Variants in TLN2 observed in about 807,000 individuals in gnomAD.
The protein encoded by TLN2 is talin 2.
A neutral mutation model predicts 294.7 loss-of-function variants in TLN2; 118 were observed. The ratio of observed to expected loss-of-function variants is 0.40; its 90% CI spans 0.34 to 0.47. TLN2 has a LOEUF of 0.47. TLN2 is among the 20% of genes least tolerant of loss of function. The pLI is 0.84. For synonymous variants in TLN2, 1,431 were observed against 1,304.5 expected, an observed-to-expected ratio of 1.10 and a Z score of -2.09; for missense variants, 3,083 against 3,282.2, an observed-to-expected ratio of 0.94 and a Z score of 1.48.
intron 9 of TLN2, among the ~76,000 whole-genome samples, chr15:62,670,193 C>T (rs1285846482): frequency 3.3e-5 from 5 of 152,182 alleles, no homozygotes; most frequent in African/African-American, 9.7e-5. Flanking sequence ...ACCTTAACCA[C>T]GTCTCTGTTG....
chr15:62,398,946 C>G (rs1436538867), intron 1 of TLN2, among the ~76,000 whole-genome samples: 3 of 152,052 alleles, frequency 2.0e-5, no homozygotes, highest in African/African-American at 7.3e-5. Flanking sequence ...GGCCCGGAGG[C>G]CTAGGAGGGA....
chr15:62,708,687 G>T lies in TLN2; in HGVS notation c.2358G>T (p.Gln786His). The T allele has an allele frequency of 1.2e-5, 19 of 1,614,064 alleles. No individual in the cohort carries two copies. Among genetic ancestry groups the T allele is most frequent in the Non-Finnish European group, 1.6e-5 (19 of 1,180,046 alleles). Residue 786 changes from glutamine to histidine, a missense_variant, in exon 21 of 59, where the codon CAG becomes CAT. By Grantham distance (24) the Gln-to-His change is conservative. Coordinates refer to ENST00000636159, the MANE Select transcript of TLN2 (RefSeq NM_015059.3). The part of the protein sequence containing the change: ...VVSQALHDLL[Q>H]HVRQFASRGE... ...GCCAGGCCCTCCATGATCTCCTGCA[G>T]CATGTGCGGCAGTTTGCCAGCCGAG...
intron 3 of TLN2, among the ~76,000 whole-genome samples, chr15:62,619,520 GC>G (rs1221225968): frequency 3.9e-5 from 6 of 152,274 alleles, no homozygotes; most frequent in East Asian, 1.9e-4. Context: ...TGACCCACCT[GC>G]CCCCCTGCCA....
At chr15:62,580,848 C>CT (rs1183488795) in intron 1 of TLN2, among the ~76,000 whole-genome samples, 1 of 151,042 alleles carries the variant, frequency 6.6e-6, no homozygotes, top group Non-Finnish European at 1.5e-5. Context: ...CTGCCTTCGC[C>CT]CCGCCCCCTG....
At chr15:62,674,591 C>T (rs542134229) in intron 10 of TLN2, among the ~76,000 whole-genome samples, 6 of 150,498 alleles carry the variant, frequency 4.0e-5, no homozygotes, top group East Asian at 2.0e-4. Flanking sequence ...TACCTCCCCC[C>T]GCCCTGTTCA....
At chr15:62,598,794 G>A (rs2046761337) in intron 2 of TLN2, among the ~76,000 whole-genome samples, 1 of 151,904 alleles carries the variant, frequency 6.6e-6, no homozygotes, top group South Asian at 2.1e-4. Context: ...CAGAATGGTG[G>A]TCTGAATAAA....
At chr15:62,594,938 TCAAA>T (rs2046361176) in intron 2 of TLN2, among the ~76,000 whole-genome samples, 1 of 152,018 alleles carries the variant, frequency 6.6e-6, no homozygotes, top group Non-Finnish European at 1.5e-5. Context: ...TATGAAGAAC[TCAAA>T]CAATAGTAAG....
chr15:62,526,268 T>C (rs896847927), intron 1 of TLN2, among the ~76,000 whole-genome samples: 1 of 152,188 alleles, frequency 6.6e-6, no homozygotes, highest in Non-Finnish European at 1.5e-5. Flanking sequence ...TAGCTGGGAT[T>C]ATAGGCATGT....
At chr15:62,445,460 A>C (rs925645500) in intron 1 of TLN2, among the ~76,000 whole-genome samples, 11 of 152,196 alleles carry the variant, frequency 7.2e-5, no homozygotes, top group African/African-American at 2.7e-4. Context: ...ACTCACATGC[A>C]TAATACACTG....
At position 62,514,801 on chromosome 15, in the gene TLN2, G is replaced by A. The variant is rs180751132; in HGVS notation, c.-237-74886G>A. Among the ~76,000 whole-genome samples, 33 of 152,308 alleles carry A rather than the reference G, an allele frequency of 2.2e-4. No individual in the cohort carries two copies. In the East Asian group the frequency reaches 4.8e-3, roughly 22 times the overall value. ...ATAATTGGCATTGCTAATGAGAAGA[G>A]TTAAATCAGTTTCTATCTTTACCCT... is the stretch of plus-strand genomic sequence containing the variant. On this transcript the variant is annotated intron_variant, in intron 1 of 58. Coordinates refer to ENST00000636159, the MANE Select transcript of TLN2 (RefSeq NM_015059.3).
At chr15:62,638,602 G>A (rs780202355) in intron 3 of TLN2, 1 of 455,910 alleles carries the variant, frequency 2.2e-6, no homozygotes. Context: ...TTGACTTCAA[G>A]GTTTTAGTTT....
intron 19 of TLN2, among the ~76,000 whole-genome samples, chr15:62,705,427 C>G (rs1567407915): frequency 6.6e-6 from 1 of 152,166 alleles, no homozygotes; most frequent in Non-Finnish European, 1.5e-5. Context: ...TAATAGTGGT[C>G]TTGTTGAAAA....
intron 3 of TLN2, among the ~76,000 whole-genome samples, chr15:62,618,902 C>A (rs1003107202): frequency 6.6e-6 from 1 of 152,170 alleles, no homozygotes; most frequent in Non-Finnish European, 1.5e-5. Flanking sequence ...TCTTGAGTTG[C>A]TGTTAATGTT....
At chr15:62,440,071 C>G (rs1170635888) in intron 1 of TLN2, among the ~76,000 whole-genome samples, 1 of 152,148 alleles carries the variant, frequency 6.6e-6, no homozygotes, top group East Asian at 1.9e-4. Flanking sequence ...TTTGTATTTA[C>G]TCATTTTACA....
Position 62,524,532 on chromosome 15 carries a change from T to G in TLN2, c.-237-65155T>G, listed in dbSNP as rs150827395. Among the ~76,000 whole-genome samples, 391 of 152,100 alleles carry G rather than the reference T, an allele frequency of 2.6e-3. 1 individual carries two copies. The highest frequency in any genetic ancestry group is 6.5e-3 in the Admixed American group (99 of 15,276). Reference sequence around the variant, plus strand: ...GCCAGTCGTTTCTCCTTTCTGAACCTTGGATAGGACTTCAGATCCCTACCT... The same window carrying G: ...GCCAGTCGTTTCTCCTTTCTGAACCGTGGATAGGACTTCAGATCCCTACCT... On this transcript the variant is annotated intron_variant, in intron 1 of 58. Transcript: ENST00000636159.
intron 45 of TLN2, among the ~76,000 whole-genome samples, chr15:62,786,687 A>G (rs1225395482): frequency 6.8e-6 from 1 of 147,522 alleles, no homozygotes; most frequent in Non-Finnish European, 1.5e-5. Flanking sequence ...TGTGAGAACC[A>G]CAGCCCTTTC....
At chr15:62,564,003 C>G (rs1347172741) in intron 1 of TLN2, among the ~76,000 whole-genome samples, 1 of 152,206 alleles carries the variant, frequency 6.6e-6, no homozygotes, top group Non-Finnish European at 1.5e-5. Flanking sequence ...CATGCACTAA[C>G]TACTAGGTGA....
At chr15:62,596,755 A>T (rs2046558989) in intron 2 of TLN2, among the ~76,000 whole-genome samples, 1 of 148,860 alleles carries the variant, frequency 6.7e-6, no homozygotes, top group Non-Finnish European at 1.5e-5. Context: ...AAAAAAAAAA[A>T]TAATAATAAC....
At chr15:62,699,246 C>T (rs779740674) in intron 16 of TLN2, among the ~76,000 whole-genome samples, 7 of 152,214 alleles carry the variant, frequency 4.6e-5, no homozygotes, top group Non-Finnish European at 8.8e-5. Flanking sequence ...GTTCTTAGCA[C>T]AGCCCCTCGC....
Sources: gnomAD v4.1 joint callset for allele counts (sites outside exome capture counted in the v4.1 genomes callset) on GRCh38, gnomAD v4.1.1 for gene constraint, MANE v1.5 for transcripts, NCBI Gene and HGNC (gene_info 2026-07-23, HGNC 2026-07-21) for gene names.